The following ADAM11 variants were observed in gnomAD, a reference collection of about 807,000 sequenced individuals.
ADAM11 encodes the protein disintegrin and metalloproteinase domain-containing protein 11.
A neutral mutation model predicts 119.1 loss-of-function variants in ADAM11; 49 were observed. The observed-to-expected ratio is 0.41, with a 90% CI of 0.33 to 0.52. ADAM11 has a LOEUF of 0.52. ADAM11 is among the 20% of genes least tolerant of loss of function. The pLI, the probability that ADAM11 is intolerant of heterozygous loss-of-function variation, is 0.20. For missense variants in ADAM11, 777 were observed against 1,047.5 expected (o/e 0.74, Z 3.56); for synonymous variants, 364 against 408.0 (o/e 0.89, Z 1.30).
chr17:44,769,649 C>A, intron 2 of ADAM11, 69 bp from the exon 3 acceptor site: 1 of 1,071,118 alleles, frequency 9.3e-7, no homozygotes, highest in Non-Finnish European at 1.4e-6. Context: ...CTGTTGCTCC[C>A]GGGATCCCCC....
Position 44,779,878 on chromosome 17 carries a change from C to G in ADAM11, c.*124C>G. On this transcript the variant is annotated 3_prime_UTR_variant, in exon 27 of 27. Transcript: ENST00000200557. ...CTTCCAGGTCCAAACCCTTCAACTC[C>G]TGGCTCCGCAGGGGTTTGGGTGGGG... 7.2e-7 allele frequency: 1 copy of G among 1,383,944 alleles called. No homozygotes were observed. Among genetic ancestry groups the G allele is most frequent in the Non-Finnish European group, 1.0e-6 (1 of 992,018 alleles). The allele number at this position is 1,383,944 out of a possible 1,614,324, so 85.7% of individuals were successfully genotyped here. A position where few individuals can be genotyped will look rare whatever the true frequency, so the allele number is the denominator to read the frequency against.
chr17:44,777,061 C>T lies in ADAM11; in HGVS notation c.1681+99C>T. ...GCTGAACAGGCCCCCAAGTGTGTAGCTCCCCAGGATCTCAGGGACCCAGGC... is the reference window on the plus strand; with the variant it reads ...GCTGAACAGGCCCCCAAGTGTGTAGTTCCCCAGGATCTCAGGGACCCAGGC... On this transcript the variant is annotated intron_variant, in intron 20 of 26. Coordinates refer to ENST00000200557, the MANE Select transcript of ADAM11 (RefSeq NM_002390.6). The surrounding 1 kb of genome is among the most constrained non-coding windows in gnomAD (Gnocchi z 5.1). 4 of 1,545,676 alleles carry T rather than the reference C, an allele frequency of 2.6e-6. No individual in the cohort carries two copies. The highest frequency in any genetic ancestry group is 2.4e-5 in the South Asian group (2 of 83,320).
chr17:44,774,134 G>C (rs35318072), intron 11 of ADAM11, among the ~76,000 whole-genome samples, 161 bp from the exon 12 acceptor site: 92,120 of 151,956 alleles, frequency 0.61, 28,424 homozygotes, highest in East Asian at 0.77. Flanking sequence ...ACCCAAGGAG[G>C]GGGGGAAGGG....
At chr17:44,760,534 A>T (rs2049377165) in intron 2 of ADAM11, among the ~76,000 whole-genome samples, 1 of 152,250 alleles carries the variant, frequency 6.6e-6, no homozygotes, top group South Asian at 2.1e-4. Flanking sequence ...ATTGCAATTA[A>T]TAATTAATTA....
At chr17:44,769,888 G>T in intron 3 of ADAM11, 94 bp downstream of exon 3, 1 of 1,603,802 alleles carries the variant, frequency 6.2e-7, no homozygotes, top group Non-Finnish European at 8.5e-7. Flanking sequence ...GGTTGGGCCT[G>T]GGCAGAGGGG....
At chr17:44,774,168 G>C (rs1368749930) in intron 11 of ADAM11, 127 bp from the exon 12 acceptor site, 1 of 546,588 alleles carries the variant, frequency 1.8e-6, no homozygotes, top group Non-Finnish European at 3.2e-6. Flanking sequence ...CACCAAGGCT[G>C]ATGTAAAGGG....
rs2049601479 is a variant in ADAM11, at chr17:44,776,341, T to C, written c.1566+134T>C. The C allele has an allele frequency of 2.2e-6, 2 of 892,420 alleles. No homozygotes were observed. The highest frequency in any genetic ancestry group is 3.3e-5 in the African/African-American group (2 of 60,056). The allele number at this position is 892,420 out of a possible 1,614,324, so 55.3% of individuals were successfully genotyped here. On this transcript the variant is annotated intron_variant, in intron 18 of 26. Coordinates refer to ENST00000200557, the MANE Select transcript of ADAM11 (RefSeq NM_002390.6). This position sits in a 1 kb window ranked among gnomAD's most constrained non-coding sequence, Gnocchi z 5.2. The stretch of plus-strand genomic sequence containing the variant: ...GCATCGACCTCCACTGATCAGACTG[T>C]TTTCTTATCTGAGAAAGGGGTTCTT...
chr17:44,770,074 G>T, intron 4 of ADAM11, 26 bp downstream of exon 4: 1 of 1,612,570 alleles, frequency 6.2e-7, no homozygotes, highest in Non-Finnish European at 8.5e-7. Flanking sequence ...GGGGACCGGG[G>T]CCGGGGATGG....
Position 44,772,174 on chromosome 17 carries a change from TG to T in ADAM11, c.544-89del. On this transcript the variant is annotated intron_variant, in intron 6 of 26. Transcript: ENST00000200557. This position sits in a 1 kb window ranked among gnomAD's most constrained non-coding sequence, Gnocchi z 4.5. ...TGGCCAGTTCTGGGTCACCCCAGGGTGGGGTGGAGGCGAGGGCTGGATCTGG... is the reference window on the plus strand; with the variant it reads ...TGGCCAGTTCTGGGTCACCCCAGGGTGGGTGGAGGCGAGGGCTGGATCTGG... The T allele has an allele frequency of 8.1e-7, 1 of 1,227,186 alleles. No homozygotes were observed. Among genetic ancestry groups the T allele is most frequent in the Non-Finnish European group, 1.2e-6 (1 of 864,874 alleles). The allele number at this position is 1,227,186 out of a possible 1,614,324, so 76.0% of individuals were successfully genotyped here.
intron 14 of ADAM11, 43 bp downstream of exon 14, chr17:44,774,792 G>T (rs1472169691): frequency 6.3e-7 from 1 of 1,585,220 alleles, no homozygotes; most frequent in African/African-American, 1.4e-5. Flanking sequence ...TTGGGCGAGG[G>T]GAGTCTTAGA....
intron 25 of ADAM11, 85 bp from the exon 26 acceptor site, chr17:44,779,137 A>C: frequency 6.6e-7 from 1 of 1,525,444 alleles, no homozygotes; most frequent in Non-Finnish European, 8.8e-7. Context: ...AAGGGGTCGC[A>C]TGGCAGCCAA....
rs2049368161 is a variant in ADAM11 at position 44,759,855 on chromosome 17, G to A, written c.195G>A (p.Gln65=). The part of the protein sequence containing the change: ...RESSGGEVRK[Q]QLDTRVRQEP... ...GCTCCGGGGGAGAGGTCCGAAAGCA[G>A]CAGCTGGACACAAGGGTCCGCCAGG... The change falls in exon 2 of 27, where the codon CAG becomes CAA. Residue 65 remains glutamine, a synonymous_variant. Transcript: ENST00000200557. 3.0e-6 allele frequency: 4 copies of A among 1,313,448 alleles called. No homozygotes were observed. Among genetic ancestry groups the A allele is most frequent in the Non-Finnish European group, 3.9e-6 (4 of 1,023,078 alleles). 81.4% of individuals were successfully genotyped at this position (1,313,448 alleles called of 1,614,324 possible).
intron 26 of ADAM11, chr17:44,779,477 G>T: frequency 2.0e-6 from 2 of 985,438 alleles, no homozygotes; most frequent in Non-Finnish European, 2.4e-6. Flanking sequence ...CTGCCCTGCT[G>T]CGGCCAGGCC....
At chr17:44,779,328 G>T in intron 26 of ADAM11, 89 bp downstream of exon 26, 2 of 1,494,994 alleles carry the variant, frequency 1.3e-6, no homozygotes, top group Non-Finnish European at 1.8e-6. Context: ...TCGTCACCCC[G>T]CGTTCTGTTG....
At chr17:44,760,987 A>C (rs964583027) in intron 2 of ADAM11, among the ~76,000 whole-genome samples, 1 of 21,562 alleles carries the variant, frequency 4.6e-5, no homozygotes, top group Non-Finnish European at 8.8e-5. Context: ...GCAGAGGGGC[A>C]GGGGGAGGGG....
Position 44,774,363 on chromosome 17 carries a change from G to GC in ADAM11, c.1062dup (p.Gly355ArgfsTer64). ...GGGGGCATATGCTCCCTGTCCCACG[G>GC]CGGGGGTGTGAACGAGGTGAGCAGT... On this transcript the variant is annotated frameshift_variant, in exon 12 of 27. Coordinates refer to ENST00000200557, the MANE Select transcript of ADAM11 (RefSeq NM_002390.6). LOFTEE classifies it high-confidence loss of function. The GC allele has an allele frequency of 6.7e-7, 1 of 1,490,246 alleles. No individual in the cohort carries two copies. Among genetic ancestry groups the GC allele is most frequent in the Non-Finnish European group, 9.0e-7 (1 of 1,112,756 alleles). 92.3% of individuals were successfully genotyped at this position (1,490,246 alleles called of 1,614,324 possible).
chr17:44,773,555 C>A lies in ADAM11; in HGVS notation c.992+128C>A. The stretch of plus-strand genomic sequence containing the variant: ...GGGACTGGGCTCACCTTGCACCTGC[C>A]ACCTACCCCCAGCCACATGCAACAG... On this transcript the variant is annotated intron_variant, in intron 11 of 26. Transcript: ENST00000200557. This position sits in a 1 kb window ranked among gnomAD's most constrained non-coding sequence, Gnocchi z 4.6. 8.8e-7 allele frequency: 1 copy of A among 1,137,066 alleles called. No individual in the cohort carries two copies. The highest frequency in any genetic ancestry group is 1.6e-5 in the South Asian group (1 of 62,636). The allele number at this position is 1,137,066 out of a possible 1,614,324, so 70.4% of individuals were successfully genotyped here.
intron 2 of ADAM11, among the ~76,000 whole-genome samples, 170 bp downstream of exon 2, chr17:44,760,067 C>T (rs891982999): frequency 1.3e-5 from 2 of 152,108 alleles, no homozygotes; most frequent in African/African-American, 4.8e-5. Flanking sequence ...GAGCACCAGG[C>T]CTGCCCAGCC....
rs753811742 is a variant in ADAM11, at chr17:44,774,304, C to T, written c.1002C>T (p.Thr334=). The change falls in exon 12 of 27, where the codon ACC becomes ACT. Residue 334 remains threonine, a synonymous_variant. Coordinates refer to ENST00000200557, the MANE Select transcript of ADAM11 (RefSeq NM_002390.6). ...SDATHLFSGR[T]FQSTSSGAAY... ...GCGCACTCCCTTCCAGGGGCAGGAC[C>T]TTCCAGAGCACGAGCAGCGGGGCAG... 17 of 1,469,834 alleles carry T rather than the reference C, an allele frequency of 1.2e-5. No individual in the cohort carries two copies. Among genetic ancestry groups the T allele is most frequent in the Non-Finnish European group, 1.4e-5 (15 of 1,107,552 alleles). The allele number at this position is 1,469,834 out of a possible 1,614,324, so 91.0% of individuals were successfully genotyped here.
Sources: allele counts gnomAD v4.1 joint callset (sites outside exome capture counted in the v4.1 genomes callset), GRCh38; gene constraint gnomAD v4.1.1; non-coding constraint Gnocchi (gnomAD v3.1); transcripts MANE v1.5; gene names NCBI Gene and HGNC (gene_info 2026-07-23, HGNC 2026-07-21).